ALYREF: variants seen among roughly 807,000 people sequenced by gnomAD.
ALYREF encodes THO complex subunit 4.
ALYREF carries 1 observed loss-of-function variant against 25.2 expected under a neutral mutation model. That is an observed-to-expected ratio of 0.04 (90% CI 0.01 to 0.19). The LOEUF is 0.19. ALYREF is among the 10% of genes least tolerant of loss of function. The pLI is 1.00. For missense variants in ALYREF, 328 were observed against 375.6 expected, an observed-to-expected ratio of 0.87 and a Z score of 1.05; for synonymous variants, 193 against 153.5, an observed-to-expected ratio of 1.26 and a Z score of -1.90.
intron 2 of ALYREF, chr17:81,890,109 A>T (rs1358001635): frequency 2.0e-5 from 3 of 152,310 alleles, no homozygotes; most frequent in Non-Finnish European, 2.9e-5. Context: ...CTTAACCAGA[A>T]AACAAGTTGA....
Position 81,890,834 on chromosome 17 carries a change from C to G in ALYREF, c.259-14G>C. On this transcript the variant is annotated splice_polypyrimidine_tract_variant and intron_variant, in intron 1 of 5. Coordinates refer to ENST00000505490, the MANE Select transcript of ALYREF (RefSeq NM_005782.4). ...AAGTTGTTTTGGCTGAAAAAAAAAC[C>G]GCAACAAGAGCAGATCTGTGAGTCT... 1 of 1,614,084 alleles carries G rather than the reference C, an allele frequency of 6.2e-7. No homozygotes were observed. Among genetic ancestry groups the G allele is most frequent in the South Asian group, 1.1e-5 (1 of 91,068 alleles).
intron 1 of ALYREF, 150 bp from the exon 2 acceptor site, chr17:81,890,970 C>A: frequency 1.6e-6 from 2 of 1,231,820 alleles, no homozygotes; most frequent in African/African-American, 1.5e-5. Context: ...GCTGCAGCTG[C>A]CCCAGCCCGA....
rs2039525320 is a variant in ALYREF, at chr17:81,891,341, T to C, written c.240A>G (p.Arg80=). ...CACTCACCCTGCTGTAGGGCGCCGG[T>C]CGGTTCCTGCCGCCTCCGCCGGCCG... ...RGAAGGGGRN[R]PAPYSRPKQL... The change falls in exon 1 of 6, where the codon CGA becomes CGG. Residue 80 remains arginine (R), a synonymous_variant. Coordinates refer to ENST00000505490, the MANE Select transcript of ALYREF (RefSeq NM_005782.4). 1 of 1,158,318 alleles carries C rather than the reference T, an allele frequency of 8.6e-7. No homozygotes were observed. Among genetic ancestry groups the C allele is most frequent in the Non-Finnish European group, 1.1e-6 (1 of 940,866 alleles). 71.8% of individuals were successfully genotyped at this position (1,158,318 alleles called of 1,614,324 possible). A position where few individuals can be genotyped will look rare whatever the true frequency, so the allele number is the denominator to read the frequency against.
chr17:81,890,468 C>T (rs1447559882), intron 2 of ALYREF, among the ~76,000 whole-genome samples: 1 of 152,224 alleles, frequency 6.6e-6, no homozygotes, highest in Non-Finnish European at 1.5e-5. Context: ...ACTCACAGAA[C>T]CCATCTTCAG....
chr17:81,888,681 G>C lies in ALYREF; in HGVS notation c.539-98C>G. 1 of 1,524,174 alleles carries C rather than the reference G, an allele frequency of 6.6e-7. No individual in the cohort carries two copies. Among genetic ancestry groups the C allele is most frequent in the South Asian group, 1.2e-5 (1 of 81,738 alleles). The allele number at this position is 1,524,174 out of a possible 1,614,324, so 94.4% of individuals were successfully genotyped here. A position where few individuals can be genotyped will look rare whatever the true frequency, so the allele number is the denominator to read the frequency against. ...GGTCTCCATGCAAACACTGGAAAGG[G>C]CCTCTGTGCGTCTCAAATGCCCCCG... On this transcript the variant is annotated intron_variant, in intron 3 of 5. Coordinates refer to ENST00000505490, the MANE Select transcript of ALYREF (RefSeq NM_005782.4). The surrounding 1 kb of genome is among the most constrained non-coding windows in gnomAD (Gnocchi z 5.8).
rs1384422837 is a variant in ALYREF, at chr17:81,888,081, G to A, written c.*50C>T. ...CCAGCCACCGCCCCCCAACCAGGGAGCAAGAGGAGACGCCTGGGTCCTGTT... is the reference window on the plus strand; with the variant it reads ...CCAGCCACCGCCCCCCAACCAGGGAACAAGAGGAGACGCCTGGGTCCTGTT... On this transcript the variant is annotated 3_prime_UTR_variant, in exon 6 of 6. Coordinates refer to ENST00000505490, the MANE Select transcript of ALYREF (RefSeq NM_005782.4). The surrounding 1 kb of genome is among the most constrained non-coding windows in gnomAD (Gnocchi z 5.8). The A allele has an allele frequency of 6.2e-7, 1 of 1,612,656 alleles. No individual in the cohort carries two copies. Among genetic ancestry groups the A allele is most frequent in the African/African-American group, 1.3e-5 (1 of 74,870 alleles).
Position 81,888,329 on chromosome 17 carries a change from C to T in ALYREF, c.692G>A (p.Arg231His), listed in dbSNP as rs1401978105. ...GTRRGTRGGARGRGRGAGRNS... is the reference protein window; with the variant it reads ...GTRRGTRGGAHGRGRGAGRNS... The stretch of plus-strand genomic sequence containing the variant: ...CCTGCCGGCACCTCTGCCTCTTCCA[C>T]GGGCGCCTCCGCGGGTGCCTCTCCG... The change falls in exon 5 of 6, where the codon CGT becomes CAT. Residue 231 changes from arginine to histidine, a missense_variant. Transcript: ENST00000505490. The surrounding 1 kb of genome is among the most constrained non-coding windows in gnomAD (Gnocchi z 5.8). The T allele has an allele frequency of 6.9e-6, 11 of 1,605,808 alleles. No individual in the cohort carries two copies. The highest frequency in any genetic ancestry group is 5.0e-5 in the Admixed American group (3 of 59,852).
Position 81,887,856 on chromosome 17 carries a change from T to C in ALYREF, c.*275A>G. On this transcript the variant is annotated 3_prime_UTR_variant, in exon 6 of 6. Transcript: ENST00000505490. Reference sequence around the variant, plus strand: ...ACAGTTCCAGTTCTACACACATTTCTATTTTATTATGGAAAAGGTGGAAAC... The same window carrying C: ...ACAGTTCCAGTTCTACACACATTTCCATTTTATTATGGAAAAGGTGGAAAC... 2.7e-6 allele frequency: 1 copy of C among 369,672 alleles called. No individual in the cohort carries two copies. The highest frequency in any genetic ancestry group is 4.8e-6 in the Non-Finnish European group (1 of 206,814). The allele number at this position is 369,672 out of a possible 1,614,324, so 22.9% of individuals were successfully genotyped here. A position where few individuals can be genotyped will look rare whatever the true frequency, so the allele number is the denominator to read the frequency against.
rs1054224558 is a variant in ALYREF at position 81,888,021 on chromosome 17, A to T, written c.*110T>A. 8 of 1,394,842 alleles carry T rather than the reference A, an allele frequency of 5.7e-6. No homozygotes were observed. The highest frequency in any genetic ancestry group is 2.3e-5 in the Admixed American group (1 of 44,146). 86.4% of individuals were successfully genotyped at this position (1,394,842 alleles called of 1,614,324 possible). ...GAGTTTTTAAATCCTATTTTAAAAC[A>T]TAAAAGAAACAAATCCATCATTGGC... is the stretch of plus-strand genomic sequence containing the variant. On this transcript the variant is annotated 3_prime_UTR_variant, in exon 6 of 6. Transcript: ENST00000505490. This position sits in a 1 kb window ranked among gnomAD's most constrained non-coding sequence, Gnocchi z 5.8.
At position 81,887,892 on chromosome 17, in the gene ALYREF, C is replaced by G. The variant is rs1456222766; in HGVS notation, c.*239G>C. Reference sequence around the variant, plus strand: ...GGAAAAGGTGGAAACGCCACCTTCTCCACAACAGCAACCAGTAAAATTTAT... The same window carrying G: ...GGAAAAGGTGGAAACGCCACCTTCTGCACAACAGCAACCAGTAAAATTTAT... On this transcript the variant is annotated 3_prime_UTR_variant, in exon 6 of 6. Coordinates refer to ENST00000505490, the MANE Select transcript of ALYREF (RefSeq NM_005782.4). The G allele has an allele frequency of 2.1e-6, 1 of 485,382 alleles. No homozygotes were observed. Among genetic ancestry groups the G allele is most frequent in the Non-Finnish European group, 3.5e-6 (1 of 282,266 alleles). 30.1% of individuals were successfully genotyped at this position (485,382 alleles called of 1,614,324 possible). A position where few individuals can be genotyped will look rare whatever the true frequency, so the allele number is the denominator to read the frequency against.
intron 2 of ALYREF, among the ~76,000 whole-genome samples, chr17:81,890,278 G>A (rs950594660): frequency 5.3e-5 from 8 of 152,276 alleles, no homozygotes; most frequent in South Asian, 2.1e-4. Flanking sequence ...AACAGAGCCA[G>A]AAAAACAGAC....
chr17:81,888,841 G>T lies in ALYREF; in HGVS notation c.539-258C>A, dbSNP rs1221236146. 29 of 1,417,310 alleles carry T rather than the reference G, an allele frequency of 2.0e-5. No individual in the cohort carries two copies. The South Asian group carries it at 2.2e-4, about 11-fold the overall frequency. 87.8% of individuals were successfully genotyped at this position (1,417,310 alleles called of 1,614,324 possible). A position where few individuals can be genotyped will look rare whatever the true frequency, so the allele number is the denominator to read the frequency against. On this transcript the variant is annotated intron_variant, in intron 3 of 5. Transcript: ENST00000505490. This position sits in a 1 kb window ranked among gnomAD's most constrained non-coding sequence, Gnocchi z 5.8. ...AGGTATCGGGGTGCTCGTGGGTGGA[G>T]AGGTGTGGGTGACCTGACGAAGAAG...
At position 81,888,208 on chromosome 17, in the gene ALYREF, A is replaced by G; in HGVS notation, c.780+33T>C. ...CGGCCTGCTCCCCACTGCGGCTTTG[A>G]CCAGGCCCCCAGCTGGCTCCCCCGG... On this transcript the variant is annotated intron_variant, in intron 5 of 5. Coordinates refer to ENST00000505490, the MANE Select transcript of ALYREF (RefSeq NM_005782.4). The surrounding 1 kb of genome is among the most constrained non-coding windows in gnomAD (Gnocchi z 5.8). 1 of 1,613,836 alleles carries G rather than the reference A, an allele frequency of 6.2e-7. No homozygotes were observed. Among genetic ancestry groups the G allele is most frequent in the East Asian group, 2.2e-5 (1 of 44,846 alleles).
rs141544877 is a variant in ALYREF, at chr17:81,890,306, A to C, written c.390+383T>G. On this transcript the variant is annotated intron_variant, in intron 2 of 5. Coordinates refer to ENST00000505490, the MANE Select transcript of ALYREF (RefSeq NM_005782.4). Reference sequence around the variant, plus strand: ...AAACAGACTCCCTGTGCTTCACAAGATACATAAAGAAGATTCTTTTTCTCA... The same window carrying C: ...AAACAGACTCCCTGTGCTTCACAAGCTACATAAAGAAGATTCTTTTTCTCA... Among the ~76,000 whole-genome samples, 315 of 152,318 alleles carry C rather than the reference A, an allele frequency of 2.1e-3. 4 individuals are homozygous for C. Among genetic ancestry groups the C allele is most frequent in the African/African-American group, 6.9e-3 (288 of 41,568 alleles).
At position 81,888,556 on chromosome 17, in the gene ALYREF, G is replaced by T; in HGVS notation, c.566C>A (p.Thr189Lys). Residue 189 changes from threonine to lysine, a missense_variant, in exon 4 of 6, where the codon ACG becomes AAG. Coordinates refer to ENST00000505490, the MANE Select transcript of ALYREF (RefSeq NM_005782.4). The surrounding 1 kb of genome is among the most constrained non-coding windows in gnomAD (Gnocchi z 5.8). ...CCTCCGCTGTGCGTCAATCTGTGAC[G>T]TGACAAGCTGAATGTTCATGGGGCG... ...DGRPMNIQLV[T>K]SQIDAQRRPA... is the part of the protein sequence containing the mutation. 1 of 1,595,740 alleles carries T rather than the reference G, an allele frequency of 6.3e-7. No homozygotes were observed. The highest frequency in any genetic ancestry group is 8.5e-7 in the Non-Finnish European group (1 of 1,170,264).
chr17:81,891,259 G>C, intron 1 of ALYREF, 64 bp downstream of exon 1: 1 of 1,067,122 alleles, frequency 9.4e-7, no homozygotes, highest in Non-Finnish European at 1.1e-6. Context: ...CGCCGCGAGC[G>C]GCCCCGGCCC....
In ALYREF at chr17:81,888,280, T is replaced by A; in HGVS notation, c.741A>T (p.Ala247=). The change falls in exon 5 of 6, where the codon GCA becomes GCT. Residue 247 remains alanine, a synonymous_variant. Transcript: ENST00000505490. The surrounding 1 kb of genome is among the most constrained non-coding windows in gnomAD (Gnocchi z 5.8). ...AGRNSKQQLS[A]EELDAQLDAY... ...CGTCCAGCTGGGCATCCAGCTCCTC[T>A]GCCGAAAGCTGCTGCTTTGAATTCC... is the stretch of plus-strand genomic sequence containing the variant. 1 of 1,609,248 alleles carries A rather than the reference T, an allele frequency of 6.2e-7. No homozygotes were observed. The highest frequency in any genetic ancestry group is 8.5e-7 in the Non-Finnish European group (1 of 1,178,644).
chr17:81,890,921 G>A (rs2039509986), intron 1 of ALYREF, 101 bp from the exon 2 acceptor site: 13 of 1,539,704 alleles, frequency 8.4e-6, no homozygotes, highest in African/African-American at 1.4e-5. Flanking sequence ...CGGCCTGAGA[G>A]GATCCGGCCG....
Position 81,888,210 on chromosome 17 carries a change from C to T in ALYREF, c.780+31G>A. On this transcript the variant is annotated intron_variant, in intron 5 of 5. Transcript: ENST00000505490. The surrounding 1 kb of genome is among the most constrained non-coding windows in gnomAD (Gnocchi z 5.8). ...GCCTGCTCCCCACTGCGGCTTTGACCAGGCCCCCAGCTGGCTCCCCCGGGA... is the reference window on the plus strand; with the variant it reads ...GCCTGCTCCCCACTGCGGCTTTGACTAGGCCCCCAGCTGGCTCCCCCGGGA... The T allele has an allele frequency of 6.2e-7, 1 of 1,614,018 alleles. No homozygotes were observed. Among genetic ancestry groups the T allele is most frequent in the Non-Finnish European group, 8.5e-7 (1 of 1,180,000 alleles).
Sources: allele counts gnomAD v4.1 joint callset (sites outside exome capture counted in the v4.1 genomes callset), GRCh38; gene constraint gnomAD v4.1.1; non-coding constraint Gnocchi (gnomAD v3.1); transcripts MANE v1.5; gene names NCBI Gene and HGNC (gene_info 2026-07-23, HGNC 2026-07-21).